HS3ST5: variants seen among roughly 807,000 people sequenced by gnomAD.
HS3ST5 encodes the protein heparan sulfate glucosamine 3-O-sulfotransferase 5.
A neutral mutation model predicts 25.4 loss-of-function variants in HS3ST5; 10 were observed. The observed-to-expected ratio is 0.39, with a 90% CI of 0.24 to 0.67. The LOEUF is 0.67. Among genes scored for constraint, HS3ST5 ranks in the 30% least tolerant of loss-of-function variants. The pLI, the probability that HS3ST5 is intolerant of heterozygous loss-of-function variation, is 0.44. For synonymous variants in HS3ST5, 170 were observed against 162.4 expected (o/e 1.05, Z -0.36); for missense variants, 324 against 420.7 (o/e 0.77, Z 2.01).
intron 3 of HS3ST5, chr6:114,167,530 C>T (rs1028794271): frequency 6.6e-6 from 1 of 152,068 alleles, no homozygotes; most frequent in Admixed American, 6.6e-5. Flanking sequence ...AACAAAAAAC[C>T]TTGCCAAGAT....
chr6:114,297,240 A>T (rs1223493600), intron 1 of HS3ST5, among the ~76,000 whole-genome samples: 2 of 152,006 alleles, frequency 1.3e-5, no homozygotes, highest in Non-Finnish European at 2.9e-5. Flanking sequence ...ACCACTACAC[A>T]CTAGACAAAA....
chr6:114,182,553 G>C (rs1337018788), intron 2 of HS3ST5, among the ~76,000 whole-genome samples: 1 of 152,124 alleles, frequency 6.6e-6, no homozygotes, highest in African/African-American at 2.4e-5. Context: ...AGGAAGATTA[G>C]AGCACTGAAG....
chr6:114,139,991 A>G lies in HS3ST5; in HGVS notation c.-33+28360T>C, dbSNP rs1443451110. ...CTTTGTTCTTTTCAATGAGGGAAAT[A>G]GCTATTCCCTAGACTTTCCTGAGTG... On this transcript the variant is annotated intron_variant, in intron 3 of 4. Transcript: ENST00000312719. Among the ~76,000 whole-genome samples, 3 of 152,328 alleles carry G rather than the reference A, an allele frequency of 2.0e-5. No individual in the cohort carries two copies. The East Asian group carries it at 5.8e-4, about 29-fold the overall frequency.
intron 3 of HS3ST5, among the ~76,000 whole-genome samples, chr6:114,075,176 CCG>C (rs1373768990): frequency 6.6e-6 from 1 of 152,232 alleles, no homozygotes; most frequent in Non-Finnish European, 1.5e-5. Flanking sequence ...CATATAAGAT[CCG>C]CATCATCTGT....
intron 3 of HS3ST5, among the ~76,000 whole-genome samples, chr6:114,136,365 C>A (rs962080551): frequency 2.0e-5 from 3 of 152,200 alleles, no homozygotes; most frequent in South Asian, 2.1e-4. Flanking sequence ...ACTCTGTTGG[C>A]TGCTGCCATG....
At chr6:114,313,579 G>C (rs1479389802) in intron 1 of HS3ST5, among the ~76,000 whole-genome samples, 1 of 152,120 alleles carries the variant, frequency 6.6e-6, no homozygotes, top group Admixed American at 6.5e-5. Context: ...ATTTCATTTA[G>C]AAATGACGTT....
intron 2 of HS3ST5, among the ~76,000 whole-genome samples, chr6:114,171,849 A>T (rs2115004813): frequency 6.6e-6 from 1 of 152,308 alleles, no homozygotes; most frequent in South Asian, 2.1e-4. Context: ...TTGCAGTAAT[A>T]GTGTAAATTA....
intron 2 of HS3ST5, among the ~76,000 whole-genome samples, chr6:114,198,938 G>T (rs1295253625): frequency 6.6e-6 from 1 of 152,084 alleles, no homozygotes; most frequent in Non-Finnish European, 1.5e-5. Flanking sequence ...CCCTCGAGCA[G>T]TGAATTGGCC....
intron 2 of HS3ST5, among the ~76,000 whole-genome samples, chr6:114,171,284 A>G (rs565974644): frequency 6.6e-6 from 1 of 152,334 alleles, no homozygotes; most frequent in South Asian, 2.1e-4. Flanking sequence ...AGTCAGTCCA[A>G]TAAATGTGGC....
At chr6:114,099,796 T>C (rs1453207877) in intron 3 of HS3ST5, among the ~76,000 whole-genome samples, 1 of 152,154 alleles carries the variant, frequency 6.6e-6, no homozygotes, top group Non-Finnish European at 1.5e-5. Context: ...TTATCCCAGC[T>C]GAATCAGGAG....
At chr6:114,166,317 C>G (rs953282722) in intron 3 of HS3ST5, among the ~76,000 whole-genome samples, 4 of 152,260 alleles carry the variant, frequency 2.6e-5, no homozygotes, top group South Asian at 4.1e-4. Context: ...CATCCCAGCA[C>G]AGTGCTCAGT....
intron 3 of HS3ST5, among the ~76,000 whole-genome samples, chr6:114,114,632 T>C (rs1776427523): frequency 1.3e-5 from 2 of 152,134 alleles, no homozygotes; most frequent in South Asian, 2.1e-4. Context: ...TATTTTGTTA[T>C]TATTACACAT....
At chr6:114,159,769 A>T (rs1286985198) in intron 3 of HS3ST5, among the ~76,000 whole-genome samples, 1 of 152,206 alleles carries the variant, frequency 6.6e-6, no homozygotes, top group African/African-American at 2.4e-5. Flanking sequence ...TTATCAAAAA[A>T]TTTTCTGGCA....
chr6:114,233,702 A>G (rs13220718), intron 1 of HS3ST5, among the ~76,000 whole-genome samples: 28,176 of 152,158 alleles, frequency 0.19, 2,636 homozygotes, highest in Middle Eastern at 0.22. Flanking sequence ...TTTAATAACT[A>G]AGAGCTGAAG....
intron 3 of HS3ST5, among the ~76,000 whole-genome samples, chr6:114,073,463 C>T (rs1175043939): frequency 2.0e-5 from 3 of 152,108 alleles, no homozygotes; most frequent in Non-Finnish European, 4.4e-5. Context: ...CAAACCCCAT[C>T]AAAAAGTGGG....
chr6:114,115,591 A>G (rs1776483820), intron 3 of HS3ST5, among the ~76,000 whole-genome samples: 1 of 152,076 alleles, frequency 6.6e-6, no homozygotes, highest in Admixed American at 6.6e-5. Context: ...CCTTATACAC[A>G]ATCCCTCCAC....
intron 3 of HS3ST5, among the ~76,000 whole-genome samples, chr6:114,069,967 T>C (rs1773706583): frequency 6.6e-6 from 1 of 152,060 alleles, no homozygotes; most frequent in South Asian, 2.1e-4. Context: ...GTTTTGGGGG[T>C]ACAGGTGGTT....
At chr6:114,312,044 C>T (rs1190889618) in intron 1 of HS3ST5, among the ~76,000 whole-genome samples, 4 of 152,174 alleles carry the variant, frequency 2.6e-5, no homozygotes, top group Non-Finnish European at 5.9e-5. Flanking sequence ...TAGAGTTCTA[C>T]CTAGAGCATT....
At chr6:114,165,326 C>G (rs1192574726) in intron 3 of HS3ST5, among the ~76,000 whole-genome samples, 1 of 152,164 alleles carries the variant, frequency 6.6e-6, no homozygotes, top group African/African-American at 2.4e-5. Flanking sequence ...AGCATCAGCG[C>G]TAGGTCACTA....
Sources: allele counts gnomAD v4.1 joint callset (sites outside exome capture counted in the v4.1 genomes callset), GRCh38; gene constraint gnomAD v4.1.1; transcripts MANE v1.5; gene names NCBI Gene and HGNC (gene_info 2026-07-23, HGNC 2026-07-21).